ANXA8: variants seen among roughly 807,000 people sequenced by gnomAD.
ANXA8 encodes the protein annexin A8.
A neutral mutation model predicts 26.8 loss-of-function variants in ANXA8; 9 were observed. The observed-to-expected ratio is 0.34, with a 90% CI of 0.20 to 0.59. The LOEUF is 0.59. Among genes scored for constraint, ANXA8 ranks in the 20% least tolerant of loss-of-function variants. The pLI is 0.84. For missense variants in ANXA8, 83 were observed against 238.5 expected (o/e 0.35, Z 4.29); for synonymous variants, 39 against 94.8 (o/e 0.41, Z 3.42).
the ANXA8 span, among the ~76,000 whole-genome samples, chr10:47,670,183 T>C: frequency 1.3e-5 from 2 of 151,954 alleles, no homozygotes; most frequent in African/African-American, 4.8e-5. Flanking sequence ...ATAGCATAGA[T>C]CACTGCTTCC....
chr10:47,639,948 A>G, the ANXA8 span, among the ~76,000 whole-genome samples: 1 of 148,036 alleles, frequency 6.8e-6, no homozygotes, highest in Admixed American at 6.6e-5. Flanking sequence ...CACCTATATA[A>G]TTTTTGTATT....
the ANXA8 span, among the ~76,000 whole-genome samples, chr10:47,953,753 A>G: frequency 6.6e-6 from 1 of 150,598 alleles, no homozygotes; most frequent in Admixed American, 6.6e-5. Context: ...ACGCTTCTCA[A>G]AAGAGGTCAT....
At chr10:47,559,373 C>T in the ANXA8 span, among the ~76,000 whole-genome samples, 1 of 151,534 alleles carries the variant, frequency 6.6e-6, no homozygotes, top group African/African-American at 2.4e-5. Flanking sequence ...AGTGATCTGC[C>T]CAGCTCGGCC....
the ANXA8 span, among the ~76,000 whole-genome samples, chr10:47,556,263 G>A: frequency 6.6e-6 from 1 of 151,730 alleles, no homozygotes; most frequent in Admixed American, 6.6e-5. Flanking sequence ...CCCCTCCCTA[G>A]GATTCCTCTT....
chr10:47,469,209 G>A (rs1470155744), intron 11 of ANXA8, among the ~76,000 whole-genome samples: 36 of 147,940 alleles, frequency 2.4e-4, no homozygotes, highest in Admixed American at 4.1e-4. Flanking sequence ...TCTTCTATTC[G>A]GGAGCCAGGG....
At chr10:47,777,944 A>C in the ANXA8 span, among the ~76,000 whole-genome samples, 1 of 151,570 alleles carries the variant, frequency 6.6e-6, no homozygotes, top group Non-Finnish European at 1.5e-5. Flanking sequence ...TTTGCAGCCC[A>C]CTTTTTGCAG....
At chr10:47,716,425 CA>C in the ANXA8 span, among the ~76,000 whole-genome samples, 1 of 115,542 alleles carries the variant, frequency 8.7e-6, no homozygotes, top group Non-Finnish European at 1.7e-5. Flanking sequence ...TTATCTTGGC[CA>C]AATGCCAGAT....
At position 47,484,036 on chromosome 10, in the gene ANXA8, G is replaced by T. The variant is rs1195155660; in HGVS notation, c.-103C>A. ...GCTCCTGCAGCTGAGGAGTGAGCAG[G>T]CCGCTCACTTGGGTGTGGGGGTGCA... On this transcript the variant is annotated 5_prime_UTR_variant, in exon 1 of 12. Transcript: ENST00000585281. The T allele has an allele frequency of 8.1e-6, 13 of 1,610,486 alleles. No homozygotes were observed. In the African/African-American group the frequency reaches 1.6e-4, roughly 20 times the overall value.
chr10:47,483,831 G>A (rs1419219479), intron 1 of ANXA8, 82 bp downstream of exon 1: 39 of 1,611,010 alleles, frequency 2.4e-5, no homozygotes, highest in Admixed American at 2.3e-4. Context: ...AGCCAAGGGC[G>A]ACTTTACATT....
chr10:47,666,331 A>G, the ANXA8 span, among the ~76,000 whole-genome samples: 1 of 150,682 alleles, frequency 6.6e-6, no homozygotes, highest in Non-Finnish European at 1.5e-5. Context: ...TTGATATGAA[A>G]AAGGATCTCA....
the ANXA8 span, among the ~76,000 whole-genome samples, chr10:47,944,967 T>C: frequency 1.1e-4 from 16 of 149,316 alleles, no homozygotes; most frequent in Admixed American, 9.4e-4. Flanking sequence ...CTCTCTGCAC[T>C]CTCTCCTGCT....
chr10:47,574,146 C>T, the ANXA8 span, among the ~76,000 whole-genome samples: 2 of 41,522 alleles, frequency 4.8e-5, no homozygotes, highest in African/African-American at 7.5e-5. Context: ...GACAGAGTCT[C>T]GCTTTGTCAC....
the ANXA8 span, among the ~76,000 whole-genome samples, chr10:47,609,372 C>T: frequency 7.4e-6 from 1 of 135,382 alleles, no homozygotes; most frequent in Non-Finnish European, 1.5e-5. Context: ...CAAGAAAGAG[C>T]TCACGATGAT....
chr10:47,521,752 A>G, the ANXA8 span, among the ~76,000 whole-genome samples: 14 of 151,452 alleles, frequency 9.2e-5, no homozygotes, highest in East Asian at 2.6e-3. Context: ...TGCCTCTGCC[A>G]ACAGTGTAGA....
chr10:47,606,587 C>T, the ANXA8 span, among the ~76,000 whole-genome samples: 1 of 148,294 alleles, frequency 6.7e-6, no homozygotes, highest in Non-Finnish European at 1.5e-5. Flanking sequence ...GACCATTATC[C>T]TTAGCAAACT....
chr10:47,487,402 G>T, upstream of ANXA8: 1 of 1,080,862 alleles, frequency 9.3e-7, no homozygotes, highest in Non-Finnish European at 1.3e-6. Flanking sequence ...TATGGCTTCA[G>T]CAATGGCTGT....
chr10:47,583,726 C>CT, the ANXA8 span, among the ~76,000 whole-genome samples: 1 of 147,174 alleles, frequency 6.8e-6, no homozygotes, highest in African/African-American at 2.6e-5. Context: ...CTTAACCCTG[C>CT]TTTTCCCTTA....
the ANXA8 span, among the ~76,000 whole-genome samples, chr10:47,580,587 A>T: frequency 6.0e-5 from 9 of 149,856 alleles, no homozygotes; most frequent in East Asian, 1.9e-4. Context: ...AAAAAATTTT[A>T]AAATTAGCTG....
chr10:47,977,290 T>A, the ANXA8 span, among the ~76,000 whole-genome samples: 2 of 147,102 alleles, frequency 1.4e-5, no homozygotes, highest in Admixed American at 6.9e-5. Context: ...AACAGCAGCA[T>A]CGGCAACAAC....
Sources: allele counts gnomAD v4.1 joint callset (sites outside exome capture counted in the v4.1 genomes callset), GRCh38; gene constraint gnomAD v4.1.1; transcripts MANE v1.5; gene names NCBI Gene and HGNC (gene_info 2026-07-23, HGNC 2026-07-21).